Variants in TRPM3 observed in about 807,000 individuals in gnomAD.
TRPM3 encodes the protein long transient receptor potential channel 3.
Under a neutral mutation model 181.2 loss-of-function variants are expected in TRPM3, and 77 were observed. That is an observed-to-expected ratio of 0.42 (90% CI 0.35 to 0.51). TRPM3 has a LOEUF of 0.51. Ranked by LOEUF, TRPM3 falls within the 20% of genes least tolerant of loss-of-function variation. The pLI is 0.01. For missense variants in TRPM3, 1,759 were observed against 2,196.7 expected, an observed-to-expected ratio of 0.80 and a Z score of 3.98; for synonymous variants, 745 against 796.4, an observed-to-expected ratio of 0.94 and a Z score of 1.09.
At chr9:70,994,192 T>C (rs1326015939) in intron 1 of TRPM3, among the ~76,000 whole-genome samples, 1 of 152,184 alleles carries the variant, frequency 6.6e-6, no homozygotes. Context: ...ATACCTAATC[T>C]CAAACTTCAC....
chr9:70,923,909 CAT>C (rs1199813621), intron 1 of TRPM3, among the ~76,000 whole-genome samples: 57 of 106,352 alleles, frequency 5.4e-4, no homozygotes, highest in African/African-American at 1.4e-3. Flanking sequence ...TACACACACA[CAT>C]ATATACATAT....
intron 1 of TRPM3, among the ~76,000 whole-genome samples, chr9:71,084,994 T>C (rs1035438987): frequency 1.3e-5 from 2 of 152,038 alleles, no homozygotes; most frequent in African/African-American, 4.8e-5. Context: ...AGCCATCTGA[T>C]CATTGACAAA....
intron 15 of TRPM3, among the ~76,000 whole-genome samples, 186 bp downstream of exon 15, chr9:70,621,058 T>C (rs1049581415): frequency 1.4e-5 from 2 of 146,526 alleles, no homozygotes; most frequent in African/African-American, 5.0e-5. Context: ...CTATAGTATG[T>C]AGTATATATA....
intron 1 of TRPM3, among the ~76,000 whole-genome samples, chr9:71,183,212 A>T (rs2077501321): frequency 6.6e-6 from 1 of 152,124 alleles, no homozygotes; most frequent in African/African-American, 2.4e-5. Flanking sequence ...GTCCTACTGG[A>T]TCCGCACAGT....
At chr9:71,349,662 C>T (rs576882999) in intron 1 of TRPM3, among the ~76,000 whole-genome samples, 2 of 152,226 alleles carry the variant, frequency 1.3e-5, no homozygotes, top group African/African-American at 2.4e-5. Flanking sequence ...AATACGATTA[C>T]AATCAACAAT....
chr9:70,824,151 CTCG>C (rs2093393907), intron 6 of TRPM3, among the ~76,000 whole-genome samples: 1 of 152,016 alleles, frequency 6.6e-6, no homozygotes, highest in Non-Finnish European at 1.5e-5. Context: ...AGAAAACAGG[CTCG>C]TTGATAGGAT....
At chr9:71,066,353 G>T (rs1045669610) in intron 1 of TRPM3, among the ~76,000 whole-genome samples, 3 of 152,136 alleles carry the variant, frequency 2.0e-5, no homozygotes, top group Non-Finnish European at 4.4e-5. Flanking sequence ...CTGAGATGTG[G>T]TCTGATTTTC....
At chr9:70,784,013 T>C in intron 7 of TRPM3, 92 bp downstream of exon 7, 1 of 1,505,640 alleles carries the variant, frequency 6.6e-7, no homozygotes, top group Non-Finnish European at 8.9e-7. Flanking sequence ...TGATTTGAGG[T>C]CTTGGTTGAG....
At chr9:71,413,595 A>G (rs1041629670) in intron 1 of TRPM3, among the ~76,000 whole-genome samples, 26 of 152,100 alleles carry the variant, frequency 1.7e-4, no homozygotes, top group Non-Finnish European at 2.9e-5. Flanking sequence ...AAATTCATGT[A>G]TTAGAAACTT....
chr9:71,385,320 G>T (rs79272329), intron 1 of TRPM3, among the ~76,000 whole-genome samples: 1 of 152,034 alleles, frequency 6.6e-6, no homozygotes, highest in East Asian at 1.9e-4. Flanking sequence ...CAATTTAAAC[G>T]CATGTAAAAT....
At chr9:71,117,506 C>A (rs375920853) in intron 1 of TRPM3, among the ~76,000 whole-genome samples, 2 of 152,038 alleles carry the variant, frequency 1.3e-5, no homozygotes, top group Admixed American at 1.3e-4. Context: ...TTCTTCAATG[C>A]CCAAGTTGCA....
At chr9:71,005,865 C>T (rs1474253764) in intron 1 of TRPM3, among the ~76,000 whole-genome samples, 6 of 152,024 alleles carry the variant, frequency 3.9e-5, no homozygotes, top group Non-Finnish European at 8.8e-5. Context: ...AGAATACAGA[C>T]AAATTCAAAA....
intron 1 of TRPM3, among the ~76,000 whole-genome samples, chr9:71,350,651 G>A (rs2091570793): frequency 6.6e-6 from 1 of 152,170 alleles, no homozygotes; most frequent in Admixed American, 6.5e-5. Flanking sequence ...CAAGTCCAAT[G>A]CTTTTACATT....
chr9:70,909,174 C>T (rs1208196980), intron 1 of TRPM3, among the ~76,000 whole-genome samples: 2 of 152,184 alleles, frequency 1.3e-5, no homozygotes, highest in African/African-American at 4.8e-5. Flanking sequence ...AGTCACATAG[C>T]TGATTGCTTA....
At chr9:71,132,172 G>T (rs2074412387) in intron 1 of TRPM3, among the ~76,000 whole-genome samples, 1 of 152,112 alleles carries the variant, frequency 6.6e-6, no homozygotes, top group Non-Finnish European at 1.5e-5. Context: ...TGAGATAAGG[G>T]TAAGAAAGAT....
At chr9:70,769,751 A>G (rs1400339517) in intron 7 of TRPM3, among the ~76,000 whole-genome samples, 1 of 147,518 alleles carries the variant, frequency 6.8e-6, no homozygotes, top group African/African-American at 2.4e-5. Flanking sequence ...CATGGAAATT[A>G]TTTGTTTGTC....
At chr9:71,346,721 T>C (rs867713578) in intron 1 of TRPM3, among the ~76,000 whole-genome samples, 2 of 152,178 alleles carry the variant, frequency 1.3e-5, no homozygotes, top group South Asian at 4.1e-4. Context: ...ATCTTCATCT[T>C]GTTGTCTTGG....
At chr9:70,956,440 T>C (rs1269750818) in intron 1 of TRPM3, among the ~76,000 whole-genome samples, 4 of 152,104 alleles carry the variant, frequency 2.6e-5, no homozygotes, top group Admixed American at 2.6e-4. Flanking sequence ...AATGGAATAG[T>C]TGTAGCAAGC....
rs1419153967 is a variant in TRPM3 at position 71,168,655 on chromosome 9, TA to T, written c.183+277997del. ...TATTATTTTTTATTTTTTTTTTTATTATTACTATCCCTGACATTTTTCTACA... is the reference window on the plus strand; with the variant it reads ...TATTATTTTTTATTTTTTTTTTTATTTTACTATCCCTGACATTTTTCTACA... On this transcript the variant is annotated intron_variant, in intron 1 of 24. Coordinates refer to the TRPM3 transcript ENST00000357533. Among the ~76,000 whole-genome samples, 31 of 148,270 alleles carry T rather than the reference TA, an allele frequency of 2.1e-4. No individual in the cohort carries two copies. The East Asian group carries it at 5.3e-3, about 25-fold the overall frequency.
Sources: gnomAD v4.1 joint callset for allele counts (sites outside exome capture counted in the v4.1 genomes callset) on GRCh38, gnomAD v4.1.1 for gene constraint, MANE v1.5 for transcripts, NCBI Gene and HGNC (gene_info 2026-07-23, HGNC 2026-07-21) for gene names.